Variants in TENM2 observed in about 807,000 individuals in gnomAD.
TENM2 encodes teneurin-2.
TENM2 carries 52 observed loss-of-function variants against 245.2 expected under a neutral mutation model. The observed-to-expected ratio is 0.21, with a 90% confidence interval of 0.17 to 0.27. TENM2 has a LOEUF of 0.27. TENM2 is among the 10% of genes least tolerant of loss of function. The pLI is 1.00. For missense variants in TENM2, 3,046 were observed against 3,666.8 expected (o/e 0.83, Z 4.37); for synonymous variants, 1,363 against 1,438.9 (o/e 0.95, Z 1.19).
intron 2 of TENM2, among the ~76,000 whole-genome samples, chr5:167,603,392 A>T (rs1347125283): frequency 6.6e-6 from 1 of 152,172 alleles, no homozygotes; most frequent in Non-Finnish European, 1.5e-5. Context: ...GATGTTTAAA[A>T]ATATTCTTGG....
chr5:167,007,991 T>C, the TENM2 span, among the ~76,000 whole-genome samples: 52 of 152,284 alleles, frequency 3.4e-4, no homozygotes, highest in African/African-American at 1.2e-3. This position sits in a 1 kb window ranked among gnomAD's most constrained non-coding sequence, Gnocchi z 4.2. Context: ...TAAGCCACAG[T>C]AACCCACCGT....
At chr5:167,010,387 GA>G in the TENM2 span, among the ~76,000 whole-genome samples, 11 of 149,434 alleles carry the variant, frequency 7.4e-5, no homozygotes, top group East Asian at 9.8e-4. Context: ...CTGTCTCAAA[GA>G]AAAAAAAAAT....
At chr5:168,006,542 A>G (rs1228110155) in intron 5 of TENM2, among the ~76,000 whole-genome samples, 1 of 152,208 alleles carries the variant, frequency 6.6e-6, no homozygotes, top group Non-Finnish European at 1.5e-5. Context: ...TATAATTCCA[A>G]ATACTAACTG....
chr5:167,694,509 T>C (rs1426392254), intron 2 of TENM2, among the ~76,000 whole-genome samples: 5 of 152,250 alleles, frequency 3.3e-5, no homozygotes, highest in Non-Finnish European at 7.3e-5. Flanking sequence ...ATTATATTCC[T>C]GCTTTTACAT....
intron 25 of TENM2, among the ~76,000 whole-genome samples, chr5:168,231,960 G>A (rs560046091): frequency 1.2e-4 from 18 of 152,056 alleles, no homozygotes; most frequent in South Asian, 6.2e-4. Flanking sequence ...CCAGCTATTC[G>A]GGAGGCCAAG....
intron 2 of TENM2, among the ~76,000 whole-genome samples, chr5:167,535,653 T>C (rs912622133): frequency 6.6e-6 from 1 of 152,220 alleles, no homozygotes; most frequent in Admixed American, 6.5e-5. Flanking sequence ...CATTCTGCCA[T>C]GTAAAGACAC....
chr5:167,673,095 G>A (rs1181704959), intron 2 of TENM2, among the ~76,000 whole-genome samples: 2 of 151,880 alleles, frequency 1.3e-5, no homozygotes, highest in South Asian at 2.1e-4. Context: ...GTCTGTTATG[G>A]CTGATAGCAG....
At chr5:167,337,155 C>CAAAAAAAAAAAAAAAAAAA (rs1757825237) in intron 1 of TENM2, among the ~76,000 whole-genome samples, 1 of 94,662 alleles carries the variant, frequency 1.1e-5, no homozygotes. Context: ...AAAAAAAAAT[C>CAAAAAAAAAAAAAAAAAAA]AAAAATCTGA....
chr5:167,119,790 C>T, the TENM2 span, among the ~76,000 whole-genome samples: 4 of 152,156 alleles, frequency 2.6e-5, no homozygotes, highest in African/African-American at 7.2e-5. Context: ...CTGTGCTGGT[C>T]GTGGAGGAGG....
chr5:167,113,177 G>T, the TENM2 span, among the ~76,000 whole-genome samples: 1 of 152,106 alleles, frequency 6.6e-6, no homozygotes. Flanking sequence ...GTTAACTGAG[G>T]ACGGATAATT....
the TENM2 span, among the ~76,000 whole-genome samples, chr5:167,095,768 C>CTT: frequency 2.4e-4 from 31 of 129,780 alleles, no homozygotes; most frequent in African/African-American, 3.7e-4. Flanking sequence ...GAAAGCCTTT[C>CTT]TTTTTTTTTT....
chr5:168,108,275 T>C (rs1470760568), intron 9 of TENM2, among the ~76,000 whole-genome samples: 1 of 152,212 alleles, frequency 6.6e-6, no homozygotes, highest in African/African-American at 2.4e-5. Context: ...TATTCCACAA[T>C]TTACGTGCAT....
chr5:167,263,047 CCCCGT>C, the TENM2 span, among the ~76,000 whole-genome samples: 1 of 152,086 alleles, frequency 6.6e-6, no homozygotes, highest in Non-Finnish European at 1.5e-5. Context: ...GAGATCTTTG[CCCCGT>C]CCCAGAGGTC....
chr5:167,002,553 C>A, the TENM2 span, among the ~76,000 whole-genome samples: 1 of 151,732 alleles, frequency 6.6e-6, no homozygotes. Context: ...GCCTGTAATC[C>A]CAGCACATTG....
chr5:167,483,677 A>G (rs901179317), intron 2 of TENM2, among the ~76,000 whole-genome samples: 11 of 152,238 alleles, frequency 7.2e-5, no homozygotes, highest in African/African-American at 2.7e-4. Context: ...TCTTCTGCTC[A>G]ACTTGAAAAG....
At chr5:167,418,864 C>A (rs1220318925) in intron 2 of TENM2, among the ~76,000 whole-genome samples, 1 of 152,040 alleles carries the variant, frequency 6.6e-6, no homozygotes, top group Non-Finnish European at 1.5e-5. Flanking sequence ...TACATCCTAT[C>A]CCTTGGCATC....
At chr5:167,059,030 C>T in the TENM2 span, among the ~76,000 whole-genome samples, 1 of 152,096 alleles carries the variant, frequency 6.6e-6, no homozygotes, top group African/African-American at 2.4e-5. Context: ...ATTCTCTTGC[C>T]TTAGGGGAAC....
chr5:167,515,168 T>G (rs2127574498), intron 2 of TENM2, among the ~76,000 whole-genome samples: 2 of 152,290 alleles, frequency 1.3e-5, no homozygotes, highest in Middle Eastern at 6.8e-3. Flanking sequence ...ATCTGATAGA[T>G]AATGTCATTG....
At chr5:167,752,118 G>A (rs1332345304) in intron 2 of TENM2, among the ~76,000 whole-genome samples, 1 of 151,692 alleles carries the variant, frequency 6.6e-6, no homozygotes, top group Non-Finnish European at 1.5e-5. Flanking sequence ...TTTTCCAGAT[G>A]GAGTCTCACT....
Sources: gnomAD v4.1 joint callset for allele counts (sites outside exome capture counted in the v4.1 genomes callset) on GRCh38, gnomAD v4.1.1 for gene constraint, Gnocchi (gnomAD v3.1) non-coding constraint, MANE v1.5 for transcripts, NCBI Gene and HGNC (gene_info 2026-07-23, HGNC 2026-07-21) for gene names.